Variants in ANKRD13C observed in about 807,000 individuals in gnomAD.
ANKRD13C encodes ankyrin repeat domain-containing protein 13C.
ANKRD13C carries 16 observed loss-of-function variants against 65.5 expected under a neutral mutation model. The ratio of observed to expected loss-of-function variants is 0.24; its 90% CI spans 0.17 to 0.37. The LOEUF (loss-of-function observed/expected upper bound fraction) is 0.37. Among genes scored for constraint, ANKRD13C ranks in the 10% least tolerant of loss-of-function variants. The probability of loss-of-function intolerance (pLI) is 1.00; values close to 1 mark genes in which losing one functional copy is unlikely to be tolerated. For synonymous variants in ANKRD13C, 235 were observed against 238.7 expected, an observed-to-expected ratio of 0.98 and a Z score of 0.14; for missense variants, 503 against 655.9, an observed-to-expected ratio of 0.77 and a Z score of 2.55.
At chr1:70,267,278 T>C (rs529526931) in intron 12 of ANKRD13C, among the ~76,000 whole-genome samples, 6 of 152,330 alleles carry the variant, frequency 3.9e-5, no homozygotes, top group African/African-American at 1.4e-4. Context: ...GATATATCTT[T>C]TTCCACTCTT....
intron 5 of ANKRD13C, among the ~76,000 whole-genome samples, chr1:70,312,535 T>C (rs1270558636): frequency 1.3e-5 from 2 of 152,076 alleles, no homozygotes; most frequent in African/African-American, 2.4e-5. Flanking sequence ...CCACAGAATG[T>C]AGAACTGAAA....
At chr1:70,266,830 T>C (rs1678649273) in intron 12 of ANKRD13C, among the ~76,000 whole-genome samples, 2 of 152,308 alleles carry the variant, frequency 1.3e-5, no homozygotes, top group South Asian at 2.1e-4. Flanking sequence ...TTCTTTTATA[T>C]ATATTCAGGT....
intron 11 of ANKRD13C, among the ~76,000 whole-genome samples, chr1:70,273,651 GAC>G: frequency 6.6e-6 from 1 of 151,972 alleles, no homozygotes; most frequent in Middle Eastern, 3.4e-3. Flanking sequence ...AAAACTTCAA[GAC>G]ACACTCATTT....
intron 1 of ANKRD13C, among the ~76,000 whole-genome samples, chr1:70,339,290 A>C (rs1182811076): frequency 6.6e-6 from 1 of 151,228 alleles, no homozygotes; most frequent in Non-Finnish European, 1.5e-5. Flanking sequence ...GCCAAAACCA[A>C]AGATTTACTT....
intron 3 of ANKRD13C, among the ~76,000 whole-genome samples, chr1:70,317,654 A>G (rs1011714529): frequency 2.0e-5 from 3 of 152,312 alleles, no homozygotes; most frequent in Non-Finnish European, 4.4e-5. Context: ...TGAATCTGAC[A>G]AACCTTCCTG....
At chr1:70,266,393 A>C (rs868167559) in intron 12 of ANKRD13C, among the ~76,000 whole-genome samples, 1 of 152,178 alleles carries the variant, frequency 6.6e-6, no homozygotes, top group Admixed American at 6.5e-5. Flanking sequence ...TGCAAATTGT[A>C]GTTTTTGGCT....
intron 5 of ANKRD13C, among the ~76,000 whole-genome samples, chr1:70,312,368 G>GTT (rs372273835): frequency 6.4e-4 from 88 of 137,272 alleles, no homozygotes; most frequent in African/African-American, 1.9e-3. Flanking sequence ...TTCTATTACT[G>GTT]TTTTTTTTTT....
intron 3 of ANKRD13C, among the ~76,000 whole-genome samples, chr1:70,318,665 T>C (rs989928744): frequency 6.6e-6 from 1 of 150,716 alleles, no homozygotes; most frequent in African/African-American, 2.4e-5. Context: ...ATCCATTCTG[T>C]TAAATCAATC....
At position 70,259,227 on chromosome 1, in the gene ANKRD13C, A is replaced by G. The variant is rs961277396; in HGVS notation, c.*3490T>C. Among the ~76,000 whole-genome samples the G allele has an allele frequency of 2.4e-4, 37 of 152,216 alleles. No homozygotes were observed. Among genetic ancestry groups the G allele is most frequent in the South Asian group, 2.1e-4 (1 of 4,834 alleles). On this transcript the variant is annotated 3_prime_UTR_variant, in exon 13 of 13. Transcript: ENST00000370944. ...CTCTATGTATGGGAGGTACAGGTAA[A>G]TAAGTGGTGGGTTTTATCTTTTTGG...
At chr1:70,350,361 G>A (rs989493442) in intron 1 of ANKRD13C, among the ~76,000 whole-genome samples, 1 of 152,168 alleles carries the variant, frequency 6.6e-6, no homozygotes, top group Admixed American at 6.5e-5. Context: ...CACACATATA[G>A]TATTCACTAT....
At chr1:70,319,652 C>CT (rs57930157) in intron 3 of ANKRD13C, among the ~76,000 whole-genome samples, 51,408 of 139,640 alleles carry the variant, frequency 0.37, 9,710 homozygotes, top group East Asian at 0.62. Flanking sequence ...TAGCATATGC[C>CT]TTTTTTTTTT....
In ANKRD13C at chr1:70,326,231, C is replaced by CAAAAAAAAA. The variant is rs59618915; in HGVS notation, c.473-1283_473-1275dup. 3.2e-4 allele frequency among the ~76,000 whole-genome samples: 10 copies of CAAAAAAAAA among 31,092 alleles called. 1 individual carries two copies. The highest frequency in any genetic ancestry group is 6.0e-4 in the Admixed American group (1 of 1,660). The allele number at this position is 31,092 out of a possible 152,430, so 20.4% of individuals were successfully genotyped here. ...GGGCAACAAGAGCCAAACTCTGTCT[C>CAAAAAAAAA]AAAAAAAAAAAAAAAAAAAAAAAAA... On this transcript the variant is annotated intron_variant, in intron 2 of 12. Coordinates refer to ENST00000370944, the MANE Select transcript of ANKRD13C (RefSeq NM_030816.5).
chr1:70,318,688 T>G (rs995968827), intron 3 of ANKRD13C, among the ~76,000 whole-genome samples: 13 of 146,012 alleles, frequency 8.9e-5, no homozygotes, highest in South Asian at 2.2e-4. Context: ...TGTTTTTTTT[T>G]TTTTTTTTTT....
chr1:70,268,902 A>G (rs1678753018), intron 12 of ANKRD13C, among the ~76,000 whole-genome samples: 1 of 151,896 alleles, frequency 6.6e-6, no homozygotes, highest in African/African-American at 2.4e-5. Context: ...TAAAATTATT[A>G]TTATACTTTA....
At chr1:70,335,827 A>C (rs1682000883) in intron 2 of ANKRD13C, among the ~76,000 whole-genome samples, 1 of 151,618 alleles carries the variant, frequency 6.6e-6, no homozygotes, top group Admixed American at 6.6e-5. Flanking sequence ...AAGGGGAAAA[A>C]AAACATAGTT....
intron 2 of ANKRD13C, among the ~76,000 whole-genome samples, chr1:70,330,574 C>CAAAAAAAAAAAAAAAA (rs71071394): frequency 2.9e-4 from 20 of 68,396 alleles, no homozygotes; most frequent in Admixed American, 3.7e-4. Context: ...ACAAACAAAC[C>CAAAAAAAAAAAAAAAA]AAAAAAAAAA....
intron 1 of ANKRD13C, among the ~76,000 whole-genome samples, chr1:70,345,066 A>G (rs908917820): frequency 6.6e-6 from 1 of 152,166 alleles, no homozygotes. Context: ...CACAGTTGAT[A>G]AGAGTGGGAG....
intron 7 of ANKRD13C, 47 bp downstream of exon 7, chr1:70,300,717 T>A: frequency 7.2e-7 from 1 of 1,398,248 alleles, no homozygotes; most frequent in Non-Finnish European, 9.4e-7. Context: ...AAACCTATAC[T>A]TTTTTTTTAA....
chr1:70,337,771 T>C (rs1682108291), intron 1 of ANKRD13C, among the ~76,000 whole-genome samples: 1 of 152,078 alleles, frequency 6.6e-6, no homozygotes, highest in Non-Finnish European at 1.5e-5. Flanking sequence ...TTTCCATTGG[T>C]ACTTAGTACT....
Sources: gnomAD v4.1 joint callset for allele counts (sites outside exome capture counted in the v4.1 genomes callset) on GRCh38, gnomAD v4.1.1 for gene constraint, MANE v1.5 for transcripts, NCBI Gene and HGNC (gene_info 2026-07-23, HGNC 2026-07-21) for gene names.